The following AURKA variants were observed in gnomAD, a reference collection of about 807,000 sequenced individuals.
AURKA encodes the protein aurora 2.
Under a neutral mutation model 40.9 loss-of-function variants are expected in AURKA, and 12 were observed. The observed-to-expected ratio is 0.29, with a 90% CI of 0.19 to 0.48. The LOEUF (loss-of-function observed/expected upper bound fraction) is 0.48, where lower values mean the gene tolerates loss of function less well. Among genes scored for constraint, AURKA ranks in the 20% least tolerant of loss-of-function variants. The pLI, the probability that AURKA is intolerant of heterozygous loss-of-function variation, is 0.99. For synonymous variants in AURKA, 170 were observed against 164.3 expected, an observed-to-expected ratio of 1.03 and a Z score of -0.26; for missense variants, 322 against 462.1, an observed-to-expected ratio of 0.70 and a Z score of 2.78.
chr20:56,378,265 T>C (rs563673411), intron 6 of AURKA, among the ~76,000 whole-genome samples: 30 of 152,160 alleles, frequency 2.0e-4, no homozygotes, highest in Non-Finnish European at 2.9e-4. Context: ...TGTATAATGG[T>C]ATCAGAATTG....
At position 56,381,150 on chromosome 20, in the gene AURKA, A is replaced by G. The variant is rs145184729; in HGVS notation, c.705+283T>C. On this transcript the variant is annotated intron_variant, in intron 6 of 8. Transcript: ENST00000395915. ...AAAATTATTCTAAAATAAAACATCT[A>G]TTAAAGAAAATGAGGGTGACTATCT... Among the ~76,000 whole-genome samples, 1,056 of 152,284 alleles carry G rather than the reference A, an allele frequency of 6.9e-3. 12 individuals carry two copies. The highest frequency in any genetic ancestry group is 0.024 in the African/African-American group (1,004 of 41,554).
intron 3 of AURKA, 23 bp from the exon 4 acceptor site, chr20:56,384,347 C>A: frequency 1.3e-6 from 2 of 1,547,562 alleles, no homozygotes; most frequent in Non-Finnish European, 1.8e-6. Context: ...AGTTAAAAAC[C>A]TGTTTTTAGA....
chr20:56,380,104 C>G (rs1985501286), intron 6 of AURKA, among the ~76,000 whole-genome samples: 1 of 151,720 alleles, frequency 6.6e-6, no homozygotes, highest in South Asian at 2.1e-4. Context: ...TGCCTGTAAT[C>G]CCAGCACTTT....
rs545737581 is a variant in AURKA, at chr20:56,379,012, C to T, written c.705+2421G>A. 2.0e-5 allele frequency among the ~76,000 whole-genome samples: 3 copies of T among 152,008 alleles called. No homozygotes were observed. In the South Asian group the frequency reaches 6.2e-4, roughly 32 times the overall value. ...TTCATAGAACTTTACAGCAAACACA[C>T]AAAAATCAATCTCAGGATATGAAAA... On this transcript the variant is annotated intron_variant, in intron 6 of 8. Transcript: ENST00000395915.
chr20:56,384,548 G>T (rs925787263), intron 3 of AURKA, among the ~76,000 whole-genome samples: 2 of 151,932 alleles, frequency 1.3e-5, no homozygotes, highest in Non-Finnish European at 2.9e-5. Context: ...ATGAGCAGAC[G>T]TATATATAGA....
At chr20:56,374,766 G>T (rs1984704783) in intron 6 of AURKA, among the ~76,000 whole-genome samples, 1 of 152,070 alleles carries the variant, frequency 6.6e-6, no homozygotes, top group Non-Finnish European at 1.5e-5. Flanking sequence ...AAGTTTTCCT[G>T]GCCAGGTGCA....
chr20:56,370,706 TCAC>T (rs1217800248), intron 7 of AURKA, 47 bp from the exon 8 acceptor site: 6 of 1,602,592 alleles, frequency 3.7e-6, no homozygotes, highest in Non-Finnish European at 5.1e-6. Flanking sequence ...CGTTTTATGA[TCAC>T]AACAGCTGCT....
intron 3 of AURKA, 107 bp from the exon 4 acceptor site, chr20:56,384,431 G>T: frequency 2.5e-6 from 2 of 807,090 alleles, no homozygotes; most frequent in Non-Finnish European, 4.0e-6. Context: ...TTAATGGTAT[G>T]TCAAGAATGA....
At chr20:56,377,937 G>T (rs955274963) in intron 6 of AURKA, among the ~76,000 whole-genome samples, 7 of 152,200 alleles carry the variant, frequency 4.6e-5, no homozygotes, top group African/African-American at 1.7e-4. Flanking sequence ...ATTTTGGGAG[G>T]CATGAATTAC....
At chr20:56,384,236 A>AGAATATATTT in intron 4 of AURKA, 34 bp downstream of exon 4, 1 of 1,541,200 alleles carries the variant, frequency 6.5e-7, no homozygotes, top group Non-Finnish European at 9.0e-7. Flanking sequence ...ATTCTAGTAG[A>AGAATATATTT]ACAGTACAGA....
intron 4 of AURKA, 93 bp from the exon 5 acceptor site, chr20:56,383,269 C>A: frequency 7.4e-7 from 1 of 1,352,256 alleles, no homozygotes; most frequent in South Asian, 1.2e-5. Context: ...CAAATAATTT[C>A]GTATTCCAAC....
chr20:56,370,904 G>A (rs927691195), intron 7 of AURKA, among the ~76,000 whole-genome samples: 1 of 152,148 alleles, frequency 6.6e-6, no homozygotes, highest in African/African-American at 2.4e-5. Context: ...GAATAATCTA[G>A]AATGTAAGAA....
intron 6 of AURKA, among the ~76,000 whole-genome samples, chr20:56,378,279 A>T (rs1985210178): frequency 6.6e-6 from 1 of 152,194 alleles, no homozygotes; most frequent in Non-Finnish European, 1.5e-5. Context: ...AGAATTGTTA[A>T]CCAGCTGCCC....
intron 4 of AURKA, among the ~76,000 whole-genome samples, 189 bp downstream of exon 4, chr20:56,384,081 G>C (rs963105698): frequency 1.6e-4 from 25 of 152,038 alleles, no homozygotes; most frequent in African/African-American, 5.6e-4. Flanking sequence ...TAAAGCACTT[G>C]AGTTCCTAGT....
chr20:56,388,375 C>A, intron 1 of AURKA, 173 bp from the exon 2 acceptor site: 1 of 648,704 alleles, frequency 1.5e-6, no homozygotes, highest in South Asian at 1.8e-5. Context: ...GCTTTCCCTG[C>A]AAGGCCAACC....
intron 2 of AURKA, among the ~76,000 whole-genome samples, chr20:56,386,860 A>G (rs1986438387): frequency 6.6e-6 from 1 of 152,248 alleles, no homozygotes; most frequent in African/African-American, 2.4e-5. Context: ...GCAAAAAGCT[A>G]TGATACAAAA....
chr20:56,385,867 C>T (rs1986295121), intron 3 of AURKA, among the ~76,000 whole-genome samples: 1 of 152,152 alleles, frequency 6.6e-6, no homozygotes, highest in Non-Finnish European at 1.5e-5. Flanking sequence ...ACATGGCCAG[C>T]AATGCCCATG....
At position 56,373,639 on chromosome 20, in the gene AURKA, A is replaced by G; in HGVS notation, c.706-83T>C. 6.6e-7 allele frequency: 1 copy of G among 1,515,188 alleles called. No homozygotes were observed. Among genetic ancestry groups the G allele is most frequent in the Non-Finnish European group, 9.1e-7 (1 of 1,099,060 alleles). 93.9% of individuals were successfully genotyped at this position (1,515,188 alleles called of 1,614,324 possible). ...TAGACATCTCTTCCGAAAGGAACAC[A>G]ACATAGATTTAACATGGTTTGCAGG... On this transcript the variant is annotated intron_variant, in intron 6 of 8. Coordinates refer to ENST00000395915, the MANE Select transcript of AURKA (RefSeq NM_198437.3). The surrounding 1 kb of genome is among the most constrained non-coding windows in gnomAD (Gnocchi z 5.0).
intron 2 of AURKA, among the ~76,000 whole-genome samples, chr20:56,386,988 G>T (rs546984849): frequency 6.6e-6 from 1 of 152,134 alleles, no homozygotes; most frequent in African/African-American, 2.4e-5. Context: ...TGAAGTTTTA[G>T]AAGAGTCTAA....
Sources: gnomAD v4.1 joint callset for allele counts (sites outside exome capture counted in the v4.1 genomes callset) on GRCh38, gnomAD v4.1.1 for gene constraint, Gnocchi (gnomAD v3.1) non-coding constraint, MANE v1.5 for transcripts, NCBI Gene and HGNC (gene_info 2026-07-23, HGNC 2026-07-21) for gene names.